Variants in ABLIM2 observed in about 807,000 individuals in gnomAD.
The protein encoded by ABLIM2 is actin-binding LIM protein 2.
Under a neutral mutation model 97.7 loss-of-function variants are expected in ABLIM2, and 53 were observed. The observed-to-expected ratio is 0.54, with a 90% CI of 0.44 to 0.68. The LOEUF (loss-of-function observed/expected upper bound fraction) is 0.68. Ranked by LOEUF, ABLIM2 falls within the 30% of genes least tolerant of loss-of-function variation. The pLI is 0.00. For missense variants in ABLIM2, 835 were observed against 867.2 expected (o/e 0.96, Z 0.47); for synonymous variants, 361 against 345.8 (o/e 1.04, Z -0.49).
At chr4:8,119,324 C>CTTTTT (rs71175466) in intron 1 of ABLIM2, among the ~76,000 whole-genome samples, 30 of 108,104 alleles carry the variant, frequency 2.8e-4, no homozygotes, top group Non-Finnish European at 3.5e-4. Context: ...GGGCTTCCTT[C>CTTTTT]TTTTTTTTTT....
chr4:8,102,640 G>A (rs940353035), intron 2 of ABLIM2, among the ~76,000 whole-genome samples: 2 of 152,224 alleles, frequency 1.3e-5, no homozygotes, highest in African/African-American at 4.8e-5. Flanking sequence ...GAATGCCCAA[G>A]CCTGGGGCAG....
At chr4:8,144,481 C>T (rs144478467) in intron 1 of ABLIM2, among the ~76,000 whole-genome samples, 3 of 152,152 alleles carry the variant, frequency 2.0e-5, no homozygotes, top group Admixed American at 6.5e-5. Context: ...ATGACTCCCG[C>T]GCTGAGCTGC....
Position 8,106,637 on chromosome 4 carries a change from A to G in ABLIM2, c.11T>C (p.Val4Ala). The change falls in exon 2 of 21, where the codon GTG (valine) becomes GCG (alanine). Residue 4 changes from valine to alanine, a missense_variant and splice_region_variant. By Grantham distance (64) the Val-to-Ala change is moderately conservative. Transcript: ENST00000447017. ...GCTGGGAGCAGCCTGGGGCTGCGAC[A>G]CTGTTGGGAAAGAGAGAAGAGCAGC... MSA[V>A]SQPQAAPSPL... 1 of 1,605,068 alleles carries G rather than the reference A, an allele frequency of 6.2e-7. No individual in the cohort carries two copies. The highest frequency in any genetic ancestry group is 8.5e-7 in the Non-Finnish European group (1 of 1,175,606).
intron 17 of ABLIM2, among the ~76,000 whole-genome samples, chr4:7,988,470 G>A (rs934365417): frequency 6.6e-6 from 1 of 152,204 alleles, no homozygotes; most frequent in Non-Finnish European, 1.5e-5. Context: ...AAATACATGG[G>A]ACTGTAAATA....
At position 8,061,000 on chromosome 4, in the gene ABLIM2, T is replaced by C; in HGVS notation, c.730A>G (p.Met244Val). Residue 244 changes from methionine (M) to valine (V), a missense_variant, in exon 7 of 21, where the codon ATG (methionine) becomes GTG (valine). Transcript: ENST00000447017. Reference sequence around the variant, plus strand: ...TACATCTCTTCGCCTTCTGCAAACATCTGGCCGCACCTGACACATAGCGCG... The same window carrying C: ...TACATCTCTTCGCCTTCTGCAAACACCTGGCCGCACCTGACACATAGCGCG... ...SCALCVRCGQ[M>V]FAEGEEMYLQ... 6.3e-7 allele frequency: 1 copy of C among 1,599,488 alleles called. No individual in the cohort carries two copies. The highest frequency in any genetic ancestry group is 8.5e-7 in the Non-Finnish European group (1 of 1,173,022).
At position 8,015,397 on chromosome 4, in the gene ABLIM2, T is replaced by C. The variant is rs9990943; in HGVS notation, c.1423+4221A>G. Among the ~76,000 whole-genome samples, 119,656 of 151,846 alleles carry C rather than the reference T, an allele frequency of 0.79. 47,683 individuals are homozygous for C. The highest frequency in any genetic ancestry group is 0.91 in the African/African-American group (37,602 of 41,454). ...CCCCGGCTCCCCTGGGGAGCCTCAG[T>C]GGGGGCTTCCCAGTGCAATCCGCAC... On this transcript the variant is annotated intron_variant, in intron 14 of 20. Coordinates refer to ENST00000447017, the MANE Select transcript of ABLIM2 (RefSeq NM_001130083.2). This position sits in a 1 kb window ranked among gnomAD's most constrained non-coding sequence, Gnocchi z 4.6.
At chr4:8,052,181 G>T (rs113826777) in intron 8 of ABLIM2, among the ~76,000 whole-genome samples, 1 of 152,222 alleles carries the variant, frequency 6.6e-6, no homozygotes, top group Non-Finnish European at 1.5e-5. Flanking sequence ...AGGAGACAGG[G>T]TGGTGTTCCC....
chr4:7,966,407 G>A lies in ABLIM2; in HGVS notation c.*583C>T, dbSNP rs1421467881. On this transcript the variant is annotated 3_prime_UTR_variant, in exon 21 of 21. Coordinates refer to ENST00000447017, the MANE Select transcript of ABLIM2 (RefSeq NM_001130083.2). ...GCATGGAGGGGCGCTGGCGGAAGGT[G>A]CCCTGTCTTGTCCCTTGTTGACATT... The A allele has an allele frequency of 6.5e-6, 1 of 152,888 alleles. No homozygotes were observed. Among genetic ancestry groups the A allele is most frequent in the Non-Finnish European group, 1.5e-5 (1 of 68,220 alleles). 9.5% of individuals were successfully genotyped at this position (152,888 alleles called of 1,614,324 possible).
At chr4:8,077,029 G>A (rs1816662510) in intron 6 of ABLIM2, among the ~76,000 whole-genome samples, 2 of 146,350 alleles carry the variant, frequency 1.4e-5, no homozygotes, top group Non-Finnish European at 3.0e-5. Context: ...CTGTGAATCC[G>A]AAGGGTGGGC....
At chr4:8,092,576 GATT>G (rs1307452721) in intron 3 of ABLIM2, among the ~76,000 whole-genome samples, 1 of 152,096 alleles carries the variant, frequency 6.6e-6, no homozygotes, top group Non-Finnish European at 1.5e-5. Flanking sequence ...CTGAGGCTCT[GATT>G]AGCATATGAG....
chr4:8,122,793 GCAAA>G lies in ABLIM2; in HGVS notation c.11-16160_11-16157del, dbSNP rs1292656204. 2.6e-5 allele frequency among the ~76,000 whole-genome samples: 4 copies of G among 152,086 alleles called. No homozygotes were observed. The highest frequency in any genetic ancestry group is 4.4e-5 in the Non-Finnish European group (3 of 68,014). ...TCCTCTCTTCACCATTTACGGATGG[GCAAA>G]CAGAGGTTCCAAGCAGGAATGCACC... is the stretch of plus-strand genomic sequence containing the variant. On this transcript the variant is annotated intron_variant, in intron 1 of 20. Coordinates refer to ENST00000447017, the MANE Select transcript of ABLIM2 (RefSeq NM_001130083.2). This position sits in a 1 kb window ranked among gnomAD's most constrained non-coding sequence, Gnocchi z 4.1.
chr4:8,079,935 A>C (rs1451803149), intron 5 of ABLIM2, among the ~76,000 whole-genome samples: 1 of 152,192 alleles, frequency 6.6e-6, no homozygotes, highest in East Asian at 1.9e-4. Context: ...CTGCGCTCAG[A>C]GGAGCTGCCC....
Position 8,005,113 on chromosome 4 carries a change from G to A in ABLIM2, c.1618+2946C>T, listed in dbSNP as rs1760230978. 6.6e-6 allele frequency among the ~76,000 whole-genome samples: 1 copy of A among 152,238 alleles called. No homozygotes were observed. Among genetic ancestry groups the A allele is most frequent in the African/African-American group, 2.4e-5 (1 of 41,466 alleles). Reference sequence around the variant, plus strand: ...CCGGGTGAGATGTGCAGATGGTGTTGTGGGTGAGATGAGTTTGTGATCGGG... The same window carrying A: ...CCGGGTGAGATGTGCAGATGGTGTTATGGGTGAGATGAGTTTGTGATCGGG... On this transcript the variant is annotated intron_variant, in intron 16 of 20. Coordinates refer to ENST00000447017, the MANE Select transcript of ABLIM2 (RefSeq NM_001130083.2). The surrounding 1 kb of genome is among the most constrained non-coding windows in gnomAD (Gnocchi z 4.9).
At chr4:8,153,629 C>G (rs1713874657) in intron 1 of ABLIM2, among the ~76,000 whole-genome samples, 1 of 152,222 alleles carries the variant, frequency 6.6e-6, no homozygotes, top group African/African-American at 2.4e-5. Flanking sequence ...GGAGACACCC[C>G]CATCCCACGC....
At position 8,022,400 on chromosome 4, in the gene ABLIM2, G is replaced by A. The variant is rs755587873; in HGVS notation, c.1268-2097C>T. Among the ~76,000 whole-genome samples, 26 of 152,196 alleles carry A rather than the reference G, an allele frequency of 1.7e-4. No individual in the cohort carries two copies. The highest frequency in any genetic ancestry group is 1.8e-4 in the Non-Finnish European group (12 of 68,036). On this transcript the variant is annotated intron_variant, in intron 12 of 20. Coordinates refer to ENST00000447017, the MANE Select transcript of ABLIM2 (RefSeq NM_001130083.2). This position sits in a 1 kb window ranked among gnomAD's most constrained non-coding sequence, Gnocchi z 7.8. ...CCAGAGTCTGTGGACACATGTGCAC[G>A]TCTATTTGAGGAGGGTCCGGAGACT...
chr4:8,116,761 G>C (rs1842970082), intron 1 of ABLIM2, among the ~76,000 whole-genome samples: 1 of 152,196 alleles, frequency 6.6e-6, no homozygotes, highest in African/African-American at 2.4e-5. Context: ...TCTCTGGAAG[G>C]TTAGGTGGCT....
At chr4:8,152,130 A>G (rs991783195) in intron 1 of ABLIM2, among the ~76,000 whole-genome samples, 1 of 152,266 alleles carries the variant, frequency 6.6e-6, no homozygotes, top group East Asian at 1.9e-4. Flanking sequence ...AAGCGCCATC[A>G]TGATGCCCCC....
In ABLIM2 at chr4:8,041,661, G is replaced by T. The variant is rs908818259; in HGVS notation, c.900+3503C>A. On this transcript the variant is annotated intron_variant, in intron 9 of 20. Coordinates refer to ENST00000447017, the MANE Select transcript of ABLIM2 (RefSeq NM_001130083.2). ...CTCACGCCTGTAATCCCAGCACTTTGGGAGGCCAAGGTGGGTGGATCACCA... is the reference window on the plus strand; with the variant it reads ...CTCACGCCTGTAATCCCAGCACTTTTGGAGGCCAAGGTGGGTGGATCACCA... 4.0e-4 allele frequency among the ~76,000 whole-genome samples: 61 copies of T among 151,730 alleles called. 1 individual carries two copies. Among genetic ancestry groups the T allele is most frequent in the Admixed American group, 3.7e-3 (56 of 15,286 alleles).
chr4:8,080,793 C>T lies in ABLIM2; in HGVS notation c.464G>A (p.Gly155Asp), dbSNP rs774617539. ...GCCATTCTTGATTTCTGTGCCGCAGCCCCCACAACCTGGAAGAAAGAGAAG... is the reference window on the plus strand; with the variant it reads ...GCCATTCTTGATTTCTGTGCCGCAGTCCCCACAACCTGGAAGAAAGAGAAG... Reference protein sequence around the residue: ...HLSQGLRSCGGCGTEIKNGQA... With the variant: ...HLSQGLRSCGDCGTEIKNGQA... Residue 155 changes from glycine (G) to aspartate (D), a missense_variant, in exon 5 of 21, where the codon GGC (glycine) becomes GAC (aspartate). Physicochemically the swap from Gly to Asp is moderately conservative, Grantham distance 94. Coordinates refer to ENST00000447017, the MANE Select transcript of ABLIM2 (RefSeq NM_001130083.2). 3.7e-6 allele frequency: 6 copies of T among 1,606,320 alleles called. No individual in the cohort carries two copies. In the African/African-American group the frequency reaches 4.0e-5, roughly 11 times the overall value.
Sources: allele counts gnomAD v4.1 joint callset (sites outside exome capture counted in the v4.1 genomes callset), GRCh38; gene constraint gnomAD v4.1.1; non-coding constraint Gnocchi (gnomAD v3.1); transcripts MANE v1.5; gene names NCBI Gene and HGNC (gene_info 2026-07-23, HGNC 2026-07-21).